PRKCA: variants seen among roughly 807,000 people sequenced by gnomAD.
PRKCA encodes the protein protein kinase C alpha type.
Under a neutral mutation model 87.0 loss-of-function variants are expected in PRKCA, and 27 were observed. That is an observed-to-expected ratio of 0.31 (90% CI 0.23 to 0.43). The LOEUF is 0.43. PRKCA is among the 20% of genes least tolerant of loss of function. PRKCA has a pLI of 1.00. For synonymous variants in PRKCA, 329 were observed against 311.1 expected (o/e 1.06, Z -0.61); for missense variants, 518 against 852.3 (o/e 0.61, Z 4.88).
chr17:66,369,243 C>T (rs554305722), intron 2 of PRKCA, among the ~76,000 whole-genome samples: 1 of 152,270 alleles, frequency 6.6e-6, no homozygotes, highest in African/African-American at 2.4e-5. Flanking sequence ...GATTTTGCCT[C>T]TTTTTTATGA....
chr17:66,483,317 CT>C (rs1226585068), intron 2 of PRKCA, among the ~76,000 whole-genome samples: 3 of 152,098 alleles, frequency 2.0e-5, no homozygotes, highest in Non-Finnish European at 2.9e-5. Context: ...ATGACTCCCC[CT>C]GGCTTCTGGT....
intron 16 of PRKCA, among the ~76,000 whole-genome samples, chr17:66,789,820 T>G (rs1016982686): frequency 1.3e-5 from 2 of 152,224 alleles, no homozygotes; most frequent in African/African-American, 4.8e-5. Context: ...AATTGTTGAT[T>G]GCGGCCAGCA....
intron 4 of PRKCA, among the ~76,000 whole-genome samples, chr17:66,642,748 G>A (rs1328439020): frequency 2.0e-5 from 3 of 150,850 alleles, no homozygotes; most frequent in East Asian, 3.9e-4. Context: ...CAAATGCAAT[G>A]TTTGTTTACT....
At chr17:66,494,304 G>A (rs560602838) in intron 2 of PRKCA, among the ~76,000 whole-genome samples, 2 of 152,306 alleles carry the variant, frequency 1.3e-5, no homozygotes, top group South Asian at 4.1e-4. Flanking sequence ...CTGAGACTAG[G>A]TAATTTGTAA....
intron 8 of PRKCA, among the ~76,000 whole-genome samples, chr17:66,714,922 C>T (rs1973436690): frequency 1.3e-5 from 2 of 152,042 alleles, no homozygotes; most frequent in Admixed American, 1.3e-4. Flanking sequence ...TAATTAGGCC[C>T]CTTGGTTTTA....
intron 3 of PRKCA, among the ~76,000 whole-genome samples, chr17:66,532,870 G>A (rs766108540): frequency 5.3e-5 from 8 of 152,202 alleles, no homozygotes; most frequent in Non-Finnish European, 8.8e-5. Flanking sequence ...ATTCCCAGCA[G>A]CTGATCTGCT....
chr17:66,335,501 G>A (rs547231165), intron 2 of PRKCA, among the ~76,000 whole-genome samples: 49 of 151,718 alleles, frequency 3.2e-4, no homozygotes, highest in South Asian at 1.0e-3. Flanking sequence ...TGATGATGAT[G>A]ATTGCAGAAT....
intron 2 of PRKCA, among the ~76,000 whole-genome samples, chr17:66,348,804 C>G (rs187491049): frequency 1.9e-4 from 29 of 152,286 alleles, no homozygotes; most frequent in Admixed American, 3.3e-4. Flanking sequence ...TTAGGCTAAT[C>G]TAACAAATGA....
At chr17:66,690,991 A>G (rs1293920581) in intron 8 of PRKCA, among the ~76,000 whole-genome samples, 1 of 152,044 alleles carries the variant, frequency 6.6e-6, no homozygotes, top group African/African-American at 2.4e-5. Flanking sequence ...AAAAAATAGC[A>G]GGGTGTGGTG....
At chr17:66,801,149 G>A (rs962296123) in intron 16 of PRKCA, among the ~76,000 whole-genome samples, 9 of 152,232 alleles carry the variant, frequency 5.9e-5, no homozygotes, top group African/African-American at 2.2e-4. Flanking sequence ...GCTCCTGCCT[G>A]ATTCCCTAGT....
chr17:66,594,101 A>G (rs1311373112), intron 3 of PRKCA, among the ~76,000 whole-genome samples: 2 of 152,144 alleles, frequency 1.3e-5, no homozygotes, highest in African/African-American at 4.8e-5. Flanking sequence ...AAAAGAGTAA[A>G]TCTATCCCAC....
At chr17:66,649,270 C>T (rs1971530123) in intron 5 of PRKCA, among the ~76,000 whole-genome samples, 1 of 152,130 alleles carries the variant, frequency 6.6e-6, no homozygotes, top group African/African-American at 2.4e-5. Flanking sequence ...TGGGTGGCAC[C>T]CCCATGCCCA....
intron 16 of PRKCA, among the ~76,000 whole-genome samples, chr17:66,802,552 A>G (rs1975924955): frequency 6.6e-6 from 1 of 152,098 alleles, no homozygotes; most frequent in Non-Finnish European, 1.5e-5. Flanking sequence ...TAGGTTCTCA[A>G]GCACACCTCC....
At chr17:66,514,898 T>G (rs1275443244) in intron 3 of PRKCA, among the ~76,000 whole-genome samples, 1 of 152,114 alleles carries the variant, frequency 6.6e-6, no homozygotes, top group Non-Finnish European at 1.5e-5. Context: ...TCTGGATGGT[T>G]TTGTTTGCTT....
In PRKCA at chr17:66,583,898, C is replaced by T. The variant is rs142783402; in HGVS notation, c.289-57457C>T. Among the ~76,000 whole-genome samples, 482 of 152,270 alleles carry T rather than the reference C, an allele frequency of 3.2e-3. 1 individual carries two copies. Among genetic ancestry groups the T allele is most frequent in the African/African-American group, 0.011 (465 of 41,540 alleles). On this transcript the variant is annotated intron_variant, in intron 3 of 16. Coordinates refer to ENST00000413366, the MANE Select transcript of PRKCA (RefSeq NM_002737.3). ...AAAATTAAGACTCACAGCCTAAACC[C>T]TCTAATAGGTAAGACTATTCTAAGA...
At chr17:66,721,908 A>G (rs1460903414) in intron 8 of PRKCA, among the ~76,000 whole-genome samples, 2 of 152,174 alleles carry the variant, frequency 1.3e-5, no homozygotes, top group African/African-American at 4.8e-5. Context: ...GCTATTCAAG[A>G]TGGAGTTGCT....
chr17:66,534,649 A>G (rs954181293), intron 3 of PRKCA, among the ~76,000 whole-genome samples: 1 of 152,222 alleles, frequency 6.6e-6, no homozygotes, highest in African/African-American at 2.4e-5. Context: ...CCTGGGTGAC[A>G]GAGCAAGACT....
At chr17:66,375,490 G>A (rs2143558227) in intron 2 of PRKCA, among the ~76,000 whole-genome samples, 1 of 152,226 alleles carries the variant, frequency 6.6e-6, no homozygotes, top group Middle Eastern at 3.4e-3. Flanking sequence ...CCTTACCTCT[G>A]AATTTTGTCC....
chr17:66,528,359 C>G (rs909630363), intron 3 of PRKCA, among the ~76,000 whole-genome samples: 2 of 151,994 alleles, frequency 1.3e-5, no homozygotes, highest in East Asian at 3.9e-4. Context: ...AATATCCAGA[C>G]CCTGTGAGTG....
Sources: allele counts gnomAD v4.1 joint callset (sites outside exome capture counted in the v4.1 genomes callset), GRCh38; gene constraint gnomAD v4.1.1; transcripts MANE v1.5; gene names NCBI Gene and HGNC (gene_info 2026-07-23, HGNC 2026-07-21).